FRMD6: variants seen among roughly 807,000 people sequenced by gnomAD.
FRMD6 encodes FERM domain-containing protein 6.
A neutral mutation model predicts 73.2 loss-of-function variants in FRMD6; 37 were observed. That is an observed-to-expected ratio of 0.51 (90% CI 0.39 to 0.66). The LOEUF (loss-of-function observed/expected upper bound fraction) is 0.66. Ranked by LOEUF, FRMD6 falls within the 30% of genes least tolerant of loss-of-function variation. The pLI is 0.00. For synonymous variants in FRMD6, 273 were observed against 282.2 expected, an observed-to-expected ratio of 0.97 and a Z score of 0.33; for missense variants, 714 against 780.5, an observed-to-expected ratio of 0.91 and a Z score of 1.02.
chr14:51,540,972 C>T (rs1886171542), intron 1 of FRMD6, among the ~76,000 whole-genome samples: 2 of 152,058 alleles, frequency 1.3e-5, no homozygotes, highest in Non-Finnish European at 1.5e-5. Flanking sequence ...AAGGTAAACA[C>T]CATGCAAGAA....
chr14:51,493,564 C>A (rs559408114), intron 1 of FRMD6, among the ~76,000 whole-genome samples: 1 of 152,310 alleles, frequency 6.6e-6, no homozygotes, highest in East Asian at 1.9e-4. Flanking sequence ...GATTGTGAGG[C>A]ATCCCCAGCC....
intron 1 of FRMD6, among the ~76,000 whole-genome samples, chr14:51,490,491 C>A (rs1306898023): frequency 6.6e-6 from 1 of 152,116 alleles, no homozygotes; most frequent in Non-Finnish European, 1.5e-5. Flanking sequence ...ATCTCTGTAA[C>A]CACTTGTTCT....
chr14:51,639,183 C>G (rs920906516), intron 2 of FRMD6, among the ~76,000 whole-genome samples: 6 of 152,116 alleles, frequency 3.9e-5, no homozygotes, highest in African/African-American at 1.4e-4. Flanking sequence ...ATTATTACAT[C>G]CCAGCACTTT....
intron 2 of FRMD6, chr14:51,599,970 C>T (rs954925736): frequency 9.3e-5 from 14 of 150,738 alleles, no homozygotes; most frequent in African/African-American, 2.9e-4. Flanking sequence ...CGACGGCCAA[C>T]CTGGGCTTCA....
rs375453243 is a variant in FRMD6 at position 51,633,598 on chromosome 14, CAA to C, written c.-146-56071_-146-56070del. Among the ~76,000 whole-genome samples the C allele has an allele frequency of 2.2e-3, 102 of 45,850 alleles. 1 individual carries two copies. The highest frequency in any genetic ancestry group is 2.8e-3 in the Non-Finnish European group (78 of 28,070). The allele number at this position is 45,850 out of a possible 152,430, so 30.1% of individuals were successfully genotyped here. On this transcript the variant is annotated intron_variant, in intron 2 of 14. Transcript: ENST00000356218. ...CTTGAGCAACAGAACAAGACCCTGT[CAA>C]AAAAAAAAAAAAAAAAAAAAAGAAA...
intron 1 of FRMD6, among the ~76,000 whole-genome samples, chr14:51,543,987 C>T (rs1172354985): frequency 6.6e-6 from 1 of 151,924 alleles, no homozygotes; most frequent in African/African-American, 2.4e-5. Flanking sequence ...TTCTTGAACT[C>T]TTATTGGGGA....
chr14:51,535,097 C>G (rs1356169806), intron 1 of FRMD6, among the ~76,000 whole-genome samples: 3 of 152,066 alleles, frequency 2.0e-5, no homozygotes, highest in Non-Finnish European at 4.4e-5. Context: ...ACATTTTGAG[C>G]CTATTCAGTC....
the FRMD6 span, among the ~76,000 whole-genome samples, chr14:51,400,353 T>C: frequency 6.6e-6 from 1 of 152,128 alleles, no homozygotes; most frequent in African/African-American, 2.4e-5. Context: ...GCAAGTGAGG[T>C]CATATGGTAA....
intron 1 of FRMD6, among the ~76,000 whole-genome samples, chr14:51,659,304 A>C (rs151064267): frequency 1.0e-3 from 153 of 152,356 alleles, no homozygotes; most frequent in African/African-American, 3.5e-3. Context: ...ATGGTCTTTG[A>C]TATATAATAA....
intron 2 of FRMD6, among the ~76,000 whole-genome samples, chr14:51,582,483 C>A (rs1301367687): frequency 1.3e-5 from 2 of 152,150 alleles, no homozygotes; most frequent in Non-Finnish European, 2.9e-5. Context: ...TGGCTCCAGA[C>A]CCACCATGGC....
intron 3 of FRMD6, among the ~76,000 whole-genome samples, chr14:51,698,695 T>G (rs1280430596): frequency 6.6e-6 from 1 of 152,030 alleles, no homozygotes; most frequent in Non-Finnish European, 1.5e-5. Context: ...TATTTTTTAT[T>G]TTTCTCTCGT....
chr14:51,656,659 G>A (rs527638609), intron 1 of FRMD6, among the ~76,000 whole-genome samples: 59 of 152,224 alleles, frequency 3.9e-4, no homozygotes, highest in African/African-American at 1.3e-3. Context: ...TGATCTGCCC[G>A]CCTCGGCCTC....
chr14:51,567,948 C>A (rs937323655), intron 1 of FRMD6, among the ~76,000 whole-genome samples: 1 of 152,188 alleles, frequency 6.6e-6, no homozygotes, highest in Non-Finnish European at 1.5e-5. Flanking sequence ...TTTGCTGACA[C>A]ACAAATACGT....
At chr14:51,578,960 TC>T (rs1888557694) in intron 2 of FRMD6, 2 of 152,210 alleles carry the variant, frequency 1.3e-5, no homozygotes, top group Admixed American at 1.3e-4. Flanking sequence ...GGTTTCCTTT[TC>T]TTCTTTACAG....
At chr14:51,434,330 C>A in the FRMD6 span, among the ~76,000 whole-genome samples, 1 of 152,028 alleles carries the variant, frequency 6.6e-6, no homozygotes, top group Non-Finnish European at 1.5e-5. Flanking sequence ...TAAAAGGAAC[C>A]AGGGTTCCTT....
chr14:51,682,440 G>A (rs1199432785), intron 1 of FRMD6, among the ~76,000 whole-genome samples: 5 of 151,896 alleles, frequency 3.3e-5, no homozygotes, highest in Admixed American at 2.0e-4. Flanking sequence ...ATGAATGAAT[G>A]TATCAAGCAG....
chr14:51,483,902 T>C, the FRMD6 span, among the ~76,000 whole-genome samples: 1 of 152,222 alleles, frequency 6.6e-6, no homozygotes, highest in Admixed American at 6.5e-5. Context: ...GTCATATCTA[T>C]ATTCATCCAG....
intron 1 of FRMD6, among the ~76,000 whole-genome samples, chr14:51,551,284 A>T (rs1158781186): frequency 6.6e-6 from 1 of 152,238 alleles, no homozygotes; most frequent in Admixed American, 6.5e-5. Context: ...ACACAAATAC[A>T]AATTTTATAA....
chr14:51,502,702 G>T lies in FRMD6; in HGVS notation c.-210+13282G>T, dbSNP rs182510601. On this transcript the variant is annotated intron_variant, in intron 1 of 14. Transcript: ENST00000356218. ...TTCAGGCTCTTTTTTGGTTCCATAT[G>T]ATTTTTAAATAGATTTTTCCAATTA... is the stretch of plus-strand genomic sequence containing the variant. Among the ~76,000 whole-genome samples the T allele has an allele frequency of 2.1e-4, 32 of 152,178 alleles. No homozygotes were observed. In the East Asian group the frequency reaches 6.0e-3, roughly 28 times the overall value.
Sources: allele counts gnomAD v4.1 joint callset (sites outside exome capture counted in the v4.1 genomes callset), GRCh38; gene constraint gnomAD v4.1.1; transcripts MANE v1.5; gene names NCBI Gene and HGNC (gene_info 2026-07-23, HGNC 2026-07-21).